Variants in CCDC194 observed in about 807,000 individuals in gnomAD.
CCDC194 encodes coiled-coil domain containing 194.
A neutral mutation model predicts 4.9 loss-of-function variants in CCDC194; 8 were observed. That is an observed-to-expected ratio of 1.65 (90% CI 0.97 to 2.97). The LOEUF is 2.97. Ranked by LOEUF, CCDC194 falls within the 30% of genes most tolerant of loss-of-function variation. The pLI is 0.00. For missense variants in CCDC194, 52 were observed against 43.1 expected, an observed-to-expected ratio of 1.21 and a Z score of -0.58; for synonymous variants, 13 against 17.0, an observed-to-expected ratio of 0.76 and a Z score of 0.58.
intron 1 of CCDC194, among the ~76,000 whole-genome samples, chr19:17,393,376 CTTTTTTTTTTTTTT>C (rs551933814): frequency 0.76 from 87,824 of 115,820 alleles, 33,857 homozygotes; most frequent in Non-Finnish European, 0.87. Flanking sequence ...GACAGTGAGA[CTTTTTTTTTTTTTT>C]TTTTTTTTTT....
chr19:17,391,919 G>A (rs1442402230), intron 1 of CCDC194, 73 bp from the exon 2 acceptor site: 1 of 1,377,772 alleles, frequency 7.3e-7, no homozygotes, highest in Admixed American at 3.0e-5. Flanking sequence ...GGCCCTTTTG[G>A]GGACAGTGAG....
chr19:17,388,269 G>A (rs2074642896), downstream of CCDC194, among the ~76,000 whole-genome samples: 1 of 137,008 alleles, frequency 7.3e-6, no homozygotes. Context: ...GCATGATCAT[G>A]GCTCACTGCA....
At chr19:17,391,341 C>A (rs1308747501) in exon 3 of CCDC194, 1 of 446,724 alleles carries the variant, frequency 2.2e-6, no homozygotes, top group Non-Finnish European at 3.9e-6. Context: ...CGCGCCAGGG[C>A]CTCTGGGGGC....
At chr19:17,391,514 AG>A in intron 2 of CCDC194, 171 bp from the exon 3 acceptor site, 1 of 895,864 alleles carries the variant, frequency 1.1e-6, no homozygotes, top group Non-Finnish European at 1.7e-6. Context: ...AGCTTTTCAT[AG>A]GTTTGCATTG....
intron 2 of CCDC194, 140 bp downstream of exon 2, chr19:17,391,610 T>C (rs1177415600): frequency 6.6e-7 from 1 of 1,523,688 alleles, no homozygotes; most frequent in Non-Finnish European, 8.8e-7. Flanking sequence ...CTGCATGTTG[T>C]TTGCATTCTT....
Position 17,391,866 on chromosome 19 carries a change from T to C in CCDC194, c.325-20A>G, listed in dbSNP as rs1379097131. The C allele has an allele frequency of 3.4e-6, 5 of 1,491,910 alleles. No homozygotes were observed. The Admixed American group carries it at 7.0e-5, about 21-fold the overall frequency. 92.4% of individuals were successfully genotyped at this position (1,491,910 alleles called of 1,614,324 possible). A position where few individuals can be genotyped will look rare whatever the true frequency, so the allele number is the denominator to read the frequency against. ...CCGGCTCTGAGGAGTGGAGGGGAAG[T>C]GGGAGGGGGTGTAGGCAGAGGAGAG... On this transcript the variant is annotated intron_variant, in intron 1 of 3. Coordinates refer to ENST00000636079, the Ensembl canonical transcript of CCDC194.
At chr19:17,388,719 T>C (rs563533414), downstream of CCDC194, among the ~76,000 whole-genome samples, 1 of 152,154 alleles carries the variant, frequency 6.6e-6, no homozygotes, top group Admixed American at 6.6e-5. Context: ...CCCAGACTGG[T>C]CTTGAACTTC....
chr19:17,387,768 T>C (rs182024227), downstream of CCDC194, among the ~76,000 whole-genome samples: 1 of 152,284 alleles, frequency 6.6e-6, no homozygotes, highest in East Asian at 1.9e-4. Flanking sequence ...CTTATCAATC[T>C]CCTGCTTTTC....
chr19:17,388,401 CT>C (rs759603643), downstream of CCDC194, among the ~76,000 whole-genome samples: 54 of 150,920 alleles, frequency 3.6e-4, no homozygotes, highest in Non-Finnish European at 6.5e-4. Flanking sequence ...TTTTGTCTTT[CT>C]TTTTTCTTTC....
downstream of CCDC194, among the ~76,000 whole-genome samples, chr19:17,388,546 C>T (rs113222727): frequency 6.6e-6 from 1 of 152,010 alleles, no homozygotes. Flanking sequence ...ACCACAGGTG[C>T]ATGCCACCAT....
At chr19:17,389,458 C>T (rs1905686378), downstream of CCDC194, among the ~76,000 whole-genome samples, 2 of 152,102 alleles carry the variant, frequency 1.3e-5, no homozygotes, top group Admixed American at 6.6e-5. Flanking sequence ...TTAGTTGTAG[C>T]TTTTATTTTT....
At chr19:17,391,533 G>T in intron 2 of CCDC194, 190 bp from the exon 3 acceptor site, 2 of 1,133,288 alleles carry the variant, frequency 1.8e-6, no homozygotes, top group Non-Finnish European at 2.5e-6. Context: ...TTGCTTTCGT[G>T]AGTCGTTTAC....
chr19:17,387,404 G>A (rs1042571334), downstream of CCDC194, among the ~76,000 whole-genome samples: 1 of 151,008 alleles, frequency 6.6e-6, no homozygotes, highest in African/African-American at 2.4e-5. Context: ...CCCTCCCCAA[G>A]CCCTACACAC....
downstream of CCDC194, among the ~76,000 whole-genome samples, chr19:17,388,963 C>A (rs995681160): frequency 6.6e-6 from 1 of 152,100 alleles, no homozygotes; most frequent in African/African-American, 2.4e-5. Flanking sequence ...CTCAGCCTCC[C>A]AAGTAGCTGG....
chr19:17,391,825 T>G (rs749041093), exon 2 of CCDC194: 1 of 1,534,044 alleles, frequency 6.5e-7, no homozygotes, highest in Non-Finnish European at 8.7e-7. Context: ...TTCAGTGTCG[T>G]TAGTTGGGTC....
chr19:17,391,986 T>C (rs568088090), intron 1 of CCDC194, 140 bp from the exon 2 acceptor site: 43 of 793,358 alleles, frequency 5.4e-5, no homozygotes, highest in Non-Finnish European at 7.4e-5. Context: ...TGGGGCCTTG[T>C]AGTTGTAAAA....
downstream of CCDC194, among the ~76,000 whole-genome samples, chr19:17,389,346 A>C (rs116130162): frequency 2.0e-3 from 305 of 152,346 alleles, no homozygotes; most frequent in African/African-American, 7.2e-3. Flanking sequence ...CCACTAATAC[A>C]TTCATGTGAA....
chr19:17,388,193 C>T (rs1438750350), downstream of CCDC194, among the ~76,000 whole-genome samples: 2 of 92,112 alleles, frequency 2.2e-5, no homozygotes, highest in South Asian at 3.8e-4. Context: ...TCTTTTTTTC[C>T]TTTTTTTTTT....
chr19:17,392,437 C>T (rs1400239114), intron 1 of CCDC194, among the ~76,000 whole-genome samples: 1 of 152,106 alleles, frequency 6.6e-6, no homozygotes, highest in Admixed American at 6.6e-5. Context: ...TGTGCCACTG[C>T]ACTCCAGCCT....
Sources: gnomAD v4.1 joint callset for allele counts (sites outside exome capture counted in the v4.1 genomes callset) on GRCh38, gnomAD v4.1.1 for gene constraint, MANE v1.5 for transcripts, NCBI Gene and HGNC (gene_info 2026-07-23, HGNC 2026-07-21) for gene names.